The following NKAIN2 variants were observed in gnomAD, a reference collection of about 807,000 sequenced individuals.
NKAIN2 encodes sodium/potassium-transporting ATPase subunit beta-1-interacting protein 2.
NKAIN2 carries 14 observed loss-of-function variants against 32.6 expected under a neutral mutation model. The ratio of observed to expected loss-of-function variants is 0.43; its 90% CI spans 0.28 to 0.67. NKAIN2 has a LOEUF of 0.67. Ranked by LOEUF, NKAIN2 falls within the 30% of genes least tolerant of loss-of-function variation. The pLI, the probability that NKAIN2 is intolerant of heterozygous loss-of-function variation, is 0.17. For missense variants in NKAIN2, 198 were observed against 258.3 expected (o/e 0.77, Z 1.60); for synonymous variants, 80 against 87.2 (o/e 0.92, Z 0.46).
intron 1 of NKAIN2, among the ~76,000 whole-genome samples, chr6:124,056,434 G>GA (rs901991325): frequency 8.0e-5 from 12 of 149,128 alleles, no homozygotes; most frequent in South Asian, 2.1e-4. Context: ...TAGCCAAAAA[G>GA]AAAAAAAAAG....
chr6:123,964,736 C>G lies in NKAIN2; in HGVS notation c.54+160482C>G, dbSNP rs150835556. Among the ~76,000 whole-genome samples the G allele has an allele frequency of 2.7e-4, 41 of 152,272 alleles. No homozygotes were observed. In the East Asian group the frequency reaches 7.7e-3, roughly 29 times the overall value. On this transcript the variant is annotated intron_variant, in intron 1 of 6. Transcript: ENST00000368417. This position sits in a 1 kb window ranked among gnomAD's most constrained non-coding sequence, Gnocchi z 4.0. ...GTCTTCCTAACCCCATCTGGAAGCT[C>G]AGCTCCACTCCTGTTCCTGGAGGAA...
chr6:123,997,942 G>T (rs1049860915), intron 1 of NKAIN2, among the ~76,000 whole-genome samples: 5 of 152,010 alleles, frequency 3.3e-5, no homozygotes, highest in African/African-American at 1.2e-4. Context: ...TTGCTTTTTG[G>T]TGTCTTCAGG....
chr6:123,954,204 C>T (rs1235913231), intron 1 of NKAIN2, among the ~76,000 whole-genome samples: 5 of 152,170 alleles, frequency 3.3e-5, no homozygotes, highest in African/African-American at 1.2e-4. Flanking sequence ...TGGTGAGGGC[C>T]AGGCTTTTTC....
At chr6:124,684,675 C>G (rs1773778397) in intron 4 of NKAIN2, among the ~76,000 whole-genome samples, 1 of 152,120 alleles carries the variant, frequency 6.6e-6, no homozygotes, top group Admixed American at 6.6e-5. Flanking sequence ...TAGTCTGACA[C>G]AGAGTCTTTA....
chr6:124,109,192 G>A (rs1333978672), intron 1 of NKAIN2, among the ~76,000 whole-genome samples: 2 of 151,860 alleles, frequency 1.3e-5, no homozygotes, highest in Non-Finnish European at 2.9e-5. Flanking sequence ...TTGGACTTTT[G>A]ATGTCTATTT....
At chr6:123,916,099 A>T (rs17086323) in intron 1 of NKAIN2, among the ~76,000 whole-genome samples, 40,959 of 152,068 alleles carry the variant, frequency 0.27, 6,951 homozygotes, top group East Asian at 0.52. Flanking sequence ...ATTTTACAAC[A>T]GAGATTTGAA....
intron 5 of NKAIN2, among the ~76,000 whole-genome samples, chr6:124,806,736 G>C (rs924330417): frequency 1.6e-4 from 25 of 151,926 alleles, no homozygotes; most frequent in African/African-American, 6.1e-4. Flanking sequence ...GCTGTATTCA[G>C]GAAACCCATT....
At chr6:124,447,297 C>T (rs1775934127) in intron 3 of NKAIN2, among the ~76,000 whole-genome samples, 1 of 152,012 alleles carries the variant, frequency 6.6e-6, no homozygotes, top group Non-Finnish European at 1.5e-5. Flanking sequence ...TTCTGAAATG[C>T]TAGTGCCTGG....
chr6:124,681,639 C>T (rs1247074667), intron 4 of NKAIN2, among the ~76,000 whole-genome samples: 1 of 151,796 alleles, frequency 6.6e-6, no homozygotes, highest in Non-Finnish European at 1.5e-5. Context: ...TTGCTTATTG[C>T]CAAAGTATAT....
At chr6:124,371,722 G>GA (rs970070377) in intron 3 of NKAIN2, among the ~76,000 whole-genome samples, 5 of 147,284 alleles carry the variant, frequency 3.4e-5, no homozygotes, top group South Asian at 2.2e-4. Context: ...AGAAAGAAAG[G>GA]AAAAAAAAGA....
intron 3 of NKAIN2, among the ~76,000 whole-genome samples, chr6:124,644,759 A>G (rs1784110847): frequency 6.6e-6 from 1 of 152,160 alleles, no homozygotes; most frequent in South Asian, 2.1e-4. Context: ...GTTTGTGTCA[A>G]AAGTCATAAT....
At chr6:124,611,515 C>A (rs1299880557) in intron 3 of NKAIN2, among the ~76,000 whole-genome samples, 2 of 152,072 alleles carry the variant, frequency 1.3e-5, no homozygotes, top group Non-Finnish European at 2.9e-5. Context: ...TGTCCTAATG[C>A]TCTCCCTTCG....
chr6:124,346,887 C>A (rs1462536243), intron 2 of NKAIN2, among the ~76,000 whole-genome samples: 2 of 151,734 alleles, frequency 1.3e-5, no homozygotes, highest in South Asian at 2.1e-4. Flanking sequence ...ATGATGTTAG[C>A]TGGTGATTTT....
At chr6:123,877,983 T>C (rs1039841009) in intron 1 of NKAIN2, among the ~76,000 whole-genome samples, 3 of 152,168 alleles carry the variant, frequency 2.0e-5, no homozygotes, top group Admixed American at 6.5e-5. Flanking sequence ...TCCCAGCACT[T>C]TGGGAGGCTG....
At chr6:124,433,241 A>G (rs2114571156) in intron 3 of NKAIN2, among the ~76,000 whole-genome samples, 1 of 152,312 alleles carries the variant, frequency 6.6e-6, no homozygotes, top group East Asian at 1.9e-4. Flanking sequence ...AAAAGGGCAT[A>G]ATTGTATTCC....
At chr6:124,066,616 G>A (rs1056086524) in intron 1 of NKAIN2, among the ~76,000 whole-genome samples, 2 of 152,116 alleles carry the variant, frequency 1.3e-5, no homozygotes, top group Non-Finnish European at 2.9e-5. Flanking sequence ...AATAGGTCCT[G>A]AGACCATTAT....
Position 124,391,219 on chromosome 6 carries a change from A to G in NKAIN2, c.273+35872A>G, listed in dbSNP as rs531134127. ...GTATCAGGTAAAGCTCCAAGTCAGT[A>G]CAAGTCTACAGTGAAGAAAGATGTG... On this transcript the variant is annotated intron_variant, in intron 3 of 6. Transcript: ENST00000368417. 1.8e-4 allele frequency among the ~76,000 whole-genome samples: 27 copies of G among 152,256 alleles called. 1 individual carries two copies. In the South Asian group the frequency reaches 4.8e-3, roughly 27 times the overall value.
chr6:123,982,691 T>G (rs1396975496), intron 1 of NKAIN2, among the ~76,000 whole-genome samples: 2 of 152,010 alleles, frequency 1.3e-5, no homozygotes, highest in African/African-American at 4.8e-5. Flanking sequence ...GAGGTGACTG[T>G]TACTGCAAAA....
At chr6:123,827,153 GTCTAT>G (rs751586412) in intron 1 of NKAIN2, among the ~76,000 whole-genome samples, 4 of 152,098 alleles carry the variant, frequency 2.6e-5, no homozygotes, top group Non-Finnish European at 4.4e-5. Flanking sequence ...ATGGAGAAAT[GTCTAT>G]TCAAGTCCTT....
Sources: gnomAD v4.1 joint callset for allele counts (sites outside exome capture counted in the v4.1 genomes callset) on GRCh38, gnomAD v4.1.1 for gene constraint, Gnocchi (gnomAD v3.1) non-coding constraint, MANE v1.5 for transcripts, NCBI Gene and HGNC (gene_info 2026-07-23, HGNC 2026-07-21) for gene names.